CHI3L2: variants seen among roughly 807,000 people sequenced by gnomAD.
CHI3L2 encodes chitinase-3-like protein 2.
Under a neutral mutation model 47.3 loss-of-function variants are expected in CHI3L2, and 47 were observed. The observed-to-expected ratio is 0.99, with a 90% CI of 0.79 to 1.27. The LOEUF is 1.27. CHI3L2 is among the 50% of genes most tolerant of loss of function. CHI3L2 has a pLI of 0.00. For missense variants in CHI3L2, 497 were observed against 462.1 expected (o/e 1.08, Z -0.69); for synonymous variants, 198 against 169.9 (o/e 1.17, Z -1.28).
rs759822331 is a variant in CHI3L2, at chr1:111,238,854, C to T, written c.840C>T (p.Thr280=). 2 of 1,613,776 alleles carry T rather than the reference C, an allele frequency of 1.2e-6. No individual in the cohort carries two copies. Among genetic ancestry groups the T allele is most frequent in the Admixed American group, 3.3e-5 (2 of 59,974 alleles). Residue 280 remains threonine, a synonymous_variant, in exon 8 of 11, where the codon ACC becomes ACT. Transcript: ENST00000369748. ...GHSFTLASAE[T]TVGAPASGPG... is the part of the protein sequence containing the mutation. ...CCTTCACACTGGCCTCTGCAGAAAC[C>T]ACCGTGGGGGCCCCTGCCTCTGGCC...
Position 111,238,899 on chromosome 1 carries a change from C to T in CHI3L2, c.885C>T (p.Ile295=). The T allele has an allele frequency of 1.2e-6, 2 of 1,609,796 alleles. No individual in the cohort carries two copies. Among genetic ancestry groups the T allele is most frequent in the Non-Finnish European group, 1.7e-6 (2 of 1,178,306 alleles). ...PASGPGAAGP[I]TESSGFLAYY... ...CTGGCCCTGGAGCTGCTGGACCCAT[C>T]ACAGAGTCTTCAGGCTTCCTGGCCT... Residue 295 remains isoleucine (I), a synonymous_variant, in exon 8 of 11, where the codon ATC becomes ATT. Transcript: ENST00000369748.
intron 7 of CHI3L2, among the ~76,000 whole-genome samples, chr1:111,236,895 T>C (rs1462636641): frequency 6.6e-6 from 1 of 152,102 alleles, no homozygotes; most frequent in Admixed American, 6.5e-5. Context: ...AAGTGGCGAG[T>C]GCTGATTGGT....
Position 111,242,208 on chromosome 1 carries a change from C to T in CHI3L2, c.1036-19C>T. ...GGCCACCCTTCGAATCTCTGTGTAT[C>T]CTTCTGTGTCTCCCATAGGTTCAGT... is the stretch of plus-strand genomic sequence containing the variant. On this transcript the variant is annotated intron_variant, in intron 9 of 10. Transcript: ENST00000369748. 2 of 1,614,004 alleles carry T rather than the reference C, an allele frequency of 1.2e-6. No individual in the cohort carries two copies. Among genetic ancestry groups the T allele is most frequent in the East Asian group, 2.2e-5 (1 of 44,886 alleles).
Position 111,236,154 on chromosome 1 carries a change from G to A in CHI3L2, c.735+1G>A, listed in dbSNP as rs1659882017. 2 of 1,614,008 alleles carry A rather than the reference G, an allele frequency of 1.2e-6. No individual in the cohort carries two copies. Among genetic ancestry groups the A allele is most frequent in the South Asian group, 2.2e-5 (2 of 91,088 alleles). ...AGGGCCAAGCTCCTACTACAATGTGGTGAGTAGGCCAGGGGAACCGCAGGG... is the reference window on the plus strand; with the variant it reads ...AGGGCCAAGCTCCTACTACAATGTGATGAGTAGGCCAGGGGAACCGCAGGG... On this transcript the variant is annotated splice_donor_variant, in intron 7 of 10. Transcript: ENST00000369748. LOFTEE classifies it high-confidence loss of function.
At chr1:111,234,405 G>A (rs571658601) in intron 4 of CHI3L2, among the ~76,000 whole-genome samples, 10 of 152,294 alleles carry the variant, frequency 6.6e-5, no homozygotes, top group African/African-American at 2.2e-4. Flanking sequence ...TGGGGCTAGA[G>A]GGATGGATTC....
chr1:111,236,233 C>G lies in CHI3L2; in HGVS notation c.735+80C>G. 3 of 1,450,304 alleles carry G rather than the reference C, an allele frequency of 2.1e-6. No homozygotes were observed. The South Asian group carries it at 3.8e-5, about 18-fold the overall frequency. 89.8% of individuals were successfully genotyped at this position (1,450,304 alleles called of 1,614,324 possible). On this transcript the variant is annotated intron_variant, in intron 7 of 10. Transcript: ENST00000369748. ...GAGTCCAGCATGTCTAGAGTTACTTCTGTCTTGAACTGAGGAAGAGCTATG... is the reference window on the plus strand; with the variant it reads ...GAGTCCAGCATGTCTAGAGTTACTTGTGTCTTGAACTGAGGAAGAGCTATG...
intron 4 of CHI3L2, among the ~76,000 whole-genome samples, chr1:111,234,470 C>T (rs1200982313): frequency 6.6e-6 from 1 of 152,170 alleles, no homozygotes; most frequent in Non-Finnish European, 1.5e-5. Context: ...CGATGAGATA[C>T]CACCTGGGGG....
At chr1:111,239,963 A>T (rs1055995323) in intron 8 of CHI3L2, among the ~76,000 whole-genome samples, 1 of 152,244 alleles carries the variant, frequency 6.6e-6, no homozygotes, top group African/African-American at 2.4e-5. Context: ...CAAGATAACT[A>T]TAACATTTAA....
intron 3 of CHI3L2, 141 bp from the exon 4 acceptor site, chr1:111,231,097 C>T: frequency 1.1e-6 from 1 of 946,840 alleles, no homozygotes; most frequent in Non-Finnish European, 1.7e-6. Flanking sequence ...ACCAGTGCTT[C>T]ATCCCTTCAC....
chr1:111,242,881 G>A (rs376891990), intron 10 of CHI3L2, among the ~76,000 whole-genome samples: 38 of 152,274 alleles, frequency 2.5e-4, no homozygotes, highest in South Asian at 1.7e-3. Flanking sequence ...CTTGAAGGTC[G>A]GTGGCTTTGC....
chr1:111,233,035 G>A (rs1383440982), intron 4 of CHI3L2, among the ~76,000 whole-genome samples: 2 of 152,230 alleles, frequency 1.3e-5, no homozygotes, highest in Non-Finnish European at 2.9e-5. Flanking sequence ...GGGAGGTATT[G>A]TAAGAGGTGA....
rs1659861770 is a variant in CHI3L2, at chr1:111,235,719, G to A, written c.561G>A (p.Gly187=). ...TCTTGACTGCGGGCGTATCTGCAGGGAGGCAAATGATTGATAACAGCTATC... is the reference window on the plus strand; with the variant it reads ...TCTTGACTGCGGGCGTATCTGCAGGAAGGCAAATGATTGATAACAGCTATC... The part of the protein sequence containing the change: ...RLLLTAGVSA[G]RQMIDNSYQV... Residue 187 remains glycine (G), a synonymous_variant, in exon 6 of 11, where the codon GGG becomes GGA. Transcript: ENST00000369748. 6.2e-7 allele frequency: 1 copy of A among 1,614,202 alleles called. No individual in the cohort carries two copies. Among genetic ancestry groups the A allele is most frequent in the Non-Finnish European group, 8.5e-7 (1 of 1,180,016 alleles).
chr1:111,234,540 CA>C (rs1659821781), intron 4 of CHI3L2, among the ~76,000 whole-genome samples: 1 of 152,170 alleles, frequency 6.6e-6, no homozygotes, highest in South Asian at 2.1e-4. Context: ...ACTGACCTAG[CA>C]GGACTTTTTC....
chr1:111,232,136 GA>G (rs1263322696), intron 4 of CHI3L2, among the ~76,000 whole-genome samples: 5 of 152,208 alleles, frequency 3.3e-5, no homozygotes, highest in African/African-American at 1.2e-4. Flanking sequence ...AGTAGTGTTA[GA>G]AGACCTATGT....
chr1:111,241,478 G>A, intron 9 of CHI3L2, 35 bp downstream of exon 9: 1 of 1,061,752 alleles, frequency 9.4e-7, no homozygotes, highest in South Asian at 1.3e-5. Context: ...CCTTTAGGTG[G>A]GGAATGGTGA....
rs35575573 is a variant in CHI3L2 at position 111,232,349 on chromosome 1, G to GCATTCATT, written c.329+1074_329+1081dup. Among the ~76,000 whole-genome samples, 736 of 151,684 alleles carry GCATTCATT rather than the reference G, an allele frequency of 4.9e-3. 5 individuals are homozygous for GCATTCATT. The highest frequency in any genetic ancestry group is 0.022 in the East Asian group (112 of 5,170). ...TGTCTTCATTTATTCATTCATTCTT[G>GCATTCATT]CATTCATTCATTCATTCATTCATTC... On this transcript the variant is annotated intron_variant, in intron 4 of 10. Coordinates refer to ENST00000369748, the MANE Select transcript of CHI3L2 (RefSeq NM_004000.3).
In CHI3L2 at chr1:111,238,786, C is replaced by T. The variant is rs760824843; in HGVS notation, c.772C>T (p.Pro258Ser). 3 of 1,613,878 alleles carry T rather than the reference C, an allele frequency of 1.9e-6. No homozygotes were observed. The highest frequency in any genetic ancestry group is 2.5e-6 in the Non-Finnish European group (3 of 1,179,870). ...GGGGTACTGGATACATAAGGGAATG[C>T]CATCAGAGAAGGTGGTCATGGGCAT... is the stretch of plus-strand genomic sequence containing the variant. The part of the protein sequence containing the change: ...AVGYWIHKGM[P>S]SEKVVMGIPT... The change falls in exon 8 of 11, where the codon CCA becomes TCA. Residue 258 changes from proline (P) to serine (S), a missense_variant. Coordinates refer to ENST00000369748, the MANE Select transcript of CHI3L2 (RefSeq NM_004000.3).
chr1:111,239,710 A>C (rs1659992472), intron 8 of CHI3L2, among the ~76,000 whole-genome samples: 1 of 152,212 alleles, frequency 6.6e-6, no homozygotes, highest in South Asian at 2.1e-4. Context: ...TTGTTCTGCT[A>C]ATTATACCAT....
chr1:111,228,195 T>TAA (rs1659583236), intron 1 of CHI3L2, among the ~76,000 whole-genome samples: 2 of 152,196 alleles, frequency 1.3e-5, no homozygotes, highest in Non-Finnish European at 2.9e-5. Flanking sequence ...ATTTAATGTT[T>TAA]TTTAAACTCT....
Sources: allele counts gnomAD v4.1 joint callset (sites outside exome capture counted in the v4.1 genomes callset), GRCh38; gene constraint gnomAD v4.1.1; transcripts MANE v1.5; gene names NCBI Gene and HGNC (gene_info 2026-07-23, HGNC 2026-07-21).